PIK3R3: variants seen among roughly 807,000 people sequenced by gnomAD.
PIK3R3 encodes the protein phosphoinositide-3-kinase regulatory subunit 3.
Under a neutral mutation model 62.9 loss-of-function variants are expected in PIK3R3, and 64 were observed. The observed-to-expected ratio is 1.02, with a 90% CI of 0.83 to 1.25. PIK3R3 has a LOEUF of 1.25. Among genes scored for constraint, PIK3R3 ranks in the 50% most tolerant of loss-of-function variants. The pLI, the probability that PIK3R3 is intolerant of heterozygous loss-of-function variation, is 0.00. For synonymous variants in PIK3R3, 165 were observed against 189.0 expected, an observed-to-expected ratio of 0.87 and a Z score of 1.04; for missense variants, 614 against 561.6, an observed-to-expected ratio of 1.09 and a Z score of -0.94.
chr1:46,087,180 G>A (rs2149422460), intron 1 of PIK3R3, among the ~76,000 whole-genome samples: 1 of 152,180 alleles, frequency 6.6e-6, no homozygotes, highest in South Asian at 2.1e-4. Context: ...ACAAGTTGAT[G>A]GGTGCAGCAC....
the PIK3R3 span, among the ~76,000 whole-genome samples, chr1:46,172,321 A>G: frequency 6.6e-6 from 1 of 152,168 alleles, no homozygotes; most frequent in Admixed American, 6.5e-5. Flanking sequence ...GACTACAGGA[A>G]GATTTCAAAG....
At chr1:46,067,806 A>G (rs1242759082) in intron 3 of PIK3R3, among the ~76,000 whole-genome samples, 1 of 152,238 alleles carries the variant, frequency 6.6e-6, no homozygotes, top group Non-Finnish European at 1.5e-5. Context: ...AGATGAATGT[A>G]ATTTCATGCT....
intron 1 of PIK3R3, among the ~76,000 whole-genome samples, chr1:46,119,615 C>T (rs1654484460): frequency 6.6e-6 from 1 of 152,046 alleles, no homozygotes; most frequent in South Asian, 2.1e-4. Flanking sequence ...ATATAATCTA[C>T]AGGTTACTTT....
At chr1:46,084,056 G>T (rs963288912) in intron 1 of PIK3R3, among the ~76,000 whole-genome samples, 6 of 152,110 alleles carry the variant, frequency 3.9e-5, no homozygotes, top group Non-Finnish European at 7.4e-5. Flanking sequence ...ATAAAATGAG[G>T]TATATATCCA....
intron 7 of PIK3R3, among the ~76,000 whole-genome samples, chr1:46,048,803 T>G: frequency 6.6e-6 from 1 of 152,186 alleles, no homozygotes; most frequent in East Asian, 1.9e-4. Context: ...CTTAGGCAAC[T>G]TTTCCAATCT....
intron 1 of PIK3R3, among the ~76,000 whole-genome samples, chr1:46,130,012 A>G (rs1220320182): frequency 6.6e-6 from 1 of 152,210 alleles, no homozygotes; most frequent in Non-Finnish European, 1.5e-5. Context: ...CCACGTCTCC[A>G]TATAGTTATA....
At chr1:46,124,869 G>A (rs1399452996) in intron 1 of PIK3R3, among the ~76,000 whole-genome samples, 6 of 151,838 alleles carry the variant, frequency 4.0e-5, no homozygotes, top group African/African-American at 9.7e-5. Context: ...AGGCCGAGGC[G>A]GGTGGATTGC....
At chr1:46,152,454 G>T in the PIK3R3 span, among the ~76,000 whole-genome samples, 1 of 151,724 alleles carries the variant, frequency 6.6e-6, no homozygotes, top group Non-Finnish European at 1.5e-5. Context: ...CTAGGCCAAC[G>T]ATTTTAGTGG....
upstream of PIK3R3, chr1:46,134,681 G>T (rs1312233061): frequency 6.6e-6 from 1 of 152,212 alleles, no homozygotes; most frequent in Non-Finnish European, 1.5e-5. Context: ...TTGTTCACGG[G>T]TGTTCATGTG....
At chr1:46,065,770 C>T (rs763648629) in intron 5 of PIK3R3, among the ~76,000 whole-genome samples, 1 of 152,174 alleles carries the variant, frequency 6.6e-6, no homozygotes, top group South Asian at 2.1e-4. Flanking sequence ...GGTGGAGTTA[C>T]CCTAACACCC....
chr1:46,073,887 G>A (rs1649782240), intron 3 of PIK3R3, among the ~76,000 whole-genome samples: 1 of 149,762 alleles, frequency 6.7e-6, no homozygotes, highest in Non-Finnish European at 1.5e-5. Flanking sequence ...GCCTGCCTTG[G>A]CCTCCCAAAG....
chr1:46,108,786 AC>A (rs1653443345), intron 1 of PIK3R3, among the ~76,000 whole-genome samples: 1 of 152,128 alleles, frequency 6.6e-6, no homozygotes, highest in Admixed American at 6.5e-5. Flanking sequence ...CCATCAAATC[AC>A]ACAGCCCTAA....
At position 46,066,193 on chromosome 1, in the gene PIK3R3, G is replaced by T. The variant is rs372592067; in HGVS notation, c.496-14C>A. The stretch of plus-strand genomic sequence containing the variant: ...TACCAACTGATCCTATACAGGTAAA[G>T]AAAAAAATAAAGAATGTTAACAATT... On this transcript the variant is annotated splice_polypyrimidine_tract_variant and intron_variant, in intron 4 of 9. Transcript: ENST00000262741. The T allele has an allele frequency of 5.2e-5, 79 of 1,514,842 alleles. No homozygotes were observed. The highest frequency in any genetic ancestry group is 1.8e-4 in the Middle Eastern group (1 of 5,630). The allele number at this position is 1,514,842 out of a possible 1,614,324, so 93.8% of individuals were successfully genotyped here.
At chr1:46,062,105 A>G in intron 5 of PIK3R3, 34 bp from the exon 6 acceptor site, 1 of 1,551,034 alleles carries the variant, frequency 6.4e-7, no homozygotes, top group East Asian at 2.3e-5. Flanking sequence ...CACAGGCTTC[A>G]TTATCTTTAT....
At chr1:46,169,630 G>C in the PIK3R3 span, among the ~76,000 whole-genome samples, 1 of 152,168 alleles carries the variant, frequency 6.6e-6, no homozygotes, top group Non-Finnish European at 1.5e-5. Context: ...TAAGTAGGTA[G>C]AACAGCAGGC....
chr1:46,104,285 G>T (rs1571506807), intron 1 of PIK3R3, among the ~76,000 whole-genome samples: 1 of 152,138 alleles, frequency 6.6e-6, no homozygotes, highest in South Asian at 2.1e-4. Flanking sequence ...GCCTAGAATT[G>T]TTCTGGTAGA....
chr1:46,056,838 A>G (rs905357619), intron 6 of PIK3R3: 5 of 152,224 alleles, frequency 3.3e-5, no homozygotes, highest in East Asian at 3.8e-4. Context: ...AAAGCTATAC[A>G]TTTGATATTC....
At chr1:46,090,316 A>T (rs1422390198) in intron 1 of PIK3R3, among the ~76,000 whole-genome samples, 3 of 24,852 alleles carry the variant, frequency 1.2e-4, no homozygotes, top group Non-Finnish European at 4.6e-4. Flanking sequence ...AGTCTTTTTT[A>T]TTTATTTATT....
intron 3 of PIK3R3, among the ~76,000 whole-genome samples, chr1:46,071,766 G>GCA (rs1248507364): frequency 7.4e-6 from 1 of 134,572 alleles, no homozygotes; most frequent in Non-Finnish European, 1.6e-5. Flanking sequence ...GAGAGCGCGC[G>GCA]CCTGATCACA....
Sources: allele counts gnomAD v4.1 joint callset (sites outside exome capture counted in the v4.1 genomes callset), GRCh38; gene constraint gnomAD v4.1.1; transcripts MANE v1.5; gene names NCBI Gene and HGNC (gene_info 2026-07-23, HGNC 2026-07-21).